BTD: variants seen among roughly 807,000 people sequenced by gnomAD.
BTD encodes the protein biocytinase.
Under a neutral mutation model 17.7 loss-of-function variants are expected in BTD, and 13 were observed. The observed-to-expected ratio is 0.74, with a 90% confidence interval of 0.48 to 1.17. The LOEUF (loss-of-function observed/expected upper bound fraction) is 1.17, where lower values mean the gene tolerates loss of function less well. Among genes scored for constraint, BTD ranks in the 50% most tolerant of loss-of-function variants. The pLI is 0.00. For synonymous variants in BTD, 240 were observed against 245.2 expected (o/e 0.98, Z 0.20); for missense variants, 674 against 650.4 (o/e 1.04, Z -0.39).
intron 1 of BTD, among the ~76,000 whole-genome samples, chr3:15,617,724 A>G (rs796677623): frequency 7.9e-5 from 12 of 152,336 alleles, no homozygotes; most frequent in African/African-American, 2.6e-4. Context: ...CCTCATTTGT[A>G]AAATAAATAA....
chr3:15,618,542 A>C (rs889976763), intron 1 of BTD, among the ~76,000 whole-genome samples: 47 of 151,746 alleles, frequency 3.1e-4, no homozygotes, highest in African/African-American at 1.1e-3. Flanking sequence ...TTTCTTTTTT[A>C]TTTTTTTGAG....
rs986918472 is a variant in BTD, at chr3:15,649,788, C to T, written c.*4300C>T. On this transcript the variant is annotated 3_prime_UTR_variant, in exon 4 of 4. Coordinates refer to ENST00000643237, the MANE Select transcript of BTD (RefSeq NM_001370658.1). Reference sequence around the variant, plus strand: ...GAACTGGTGTTTCCCATTCCCAGTTCACAGAGCCCTTTCTCATTGAACTAT... The same window carrying T: ...GAACTGGTGTTTCCCATTCCCAGTTTACAGAGCCCTTTCTCATTGAACTAT... Among the ~76,000 whole-genome samples the T allele has an allele frequency of 2.0e-5, 3 of 152,184 alleles. No individual in the cohort carries two copies. Among genetic ancestry groups the T allele is most frequent in the Non-Finnish European group, 4.4e-5 (3 of 68,040 alleles).
chr3:15,708,166 T>C, intron 3 of BTD: 7 of 1,327,328 alleles, frequency 5.3e-6, no homozygotes, highest in Non-Finnish European at 7.2e-6. Flanking sequence ...AATACTTTAT[T>C]TACAGTGAGA....
At chr3:15,693,036 G>T (rs1282955360) in intron 3 of BTD, among the ~76,000 whole-genome samples, 1 of 152,124 alleles carries the variant, frequency 6.6e-6, no homozygotes, top group Admixed American at 6.5e-5. Context: ...ACTTAAATGA[G>T]GTGTCTAGAT....
chr3:15,660,803 C>T (rs955954879), intron 3 of BTD, among the ~76,000 whole-genome samples: 12 of 152,146 alleles, frequency 7.9e-5, no homozygotes, highest in Non-Finnish European at 1.2e-4. Flanking sequence ...CCCTGGCAAC[C>T]GCTGATCTTT....
At chr3:15,717,331 C>T (rs1255814032), downstream of BTD, among the ~76,000 whole-genome samples, 3 of 152,056 alleles carry the variant, frequency 2.0e-5, no homozygotes, top group East Asian at 1.9e-4. Flanking sequence ...TTTTTACTTT[C>T]TACATACTGA....
At chr3:15,678,126 T>A in intron 3 of BTD, 1 of 1,335,160 alleles carries the variant, frequency 7.5e-7, no homozygotes, top group Non-Finnish European at 1.0e-6. Flanking sequence ...GATAACTAGT[T>A]GAAGTCAGAA....
At chr3:15,699,002 T>A (rs2070121765) in intron 3 of BTD, among the ~76,000 whole-genome samples, 1 of 152,162 alleles carries the variant, frequency 6.6e-6, no homozygotes, top group Admixed American at 6.5e-5. Context: ...ACTACAAGGC[T>A]ACAGTAACCA....
At chr3:15,692,046 G>C (rs549049758) in intron 3 of BTD, among the ~76,000 whole-genome samples, 2 of 151,724 alleles carry the variant, frequency 1.3e-5, no homozygotes. Context: ...AGGCTGAGGC[G>C]GAAGTATCAC....
chr3:15,676,220 A>G lies in BTD; in HGVS notation c.400-33840A>G, dbSNP rs145456724. ...GGCATCAAGCTCAGCCATAGGTCCC[A>G]TCGACAGGTCCCTACCTTCACCCAA... On this transcript the variant is annotated intron_variant, in intron 3 of 3. Coordinates refer to the BTD transcript ENST00000672141. 728 of 392,820 alleles carry G rather than the reference A, an allele frequency of 1.9e-3. 6 individuals are homozygous for G. Among genetic ancestry groups the G allele is most frequent in the Non-Finnish European group, 6.4e-4 (142 of 221,140 alleles). The allele number at this position is 392,820 out of a possible 1,614,324, so 24.3% of individuals were successfully genotyped here. A position where few individuals can be genotyped will look rare whatever the true frequency, so the allele number is the denominator to read the frequency against.
At chr3:15,609,476 T>G (rs958272067) in intron 1 of BTD, among the ~76,000 whole-genome samples, 8 of 152,208 alleles carry the variant, frequency 5.3e-5, no homozygotes, top group African/African-American at 1.9e-4. Flanking sequence ...GTGTGAGAGT[T>G]TCTACATATA....
chr3:15,624,253 G>A (rs995629130), intron 1 of BTD, among the ~76,000 whole-genome samples: 4 of 152,054 alleles, frequency 2.6e-5, no homozygotes, highest in Non-Finnish European at 4.4e-5. Flanking sequence ...TGAGCTTCCT[G>A]GGTCTGTGGT....
rs965152342 is a variant in BTD at position 15,706,094 on chromosome 3, C to CT, written c.400-3958dup. On this transcript the variant is annotated intron_variant, in intron 3 of 3. Transcript: ENST00000672141. ...TTTTGTGTGTGTGTGATTCTGAAAT[C>CT]TTTTTTTTATTGTTATACTTTGTTC... Among the ~76,000 whole-genome samples, 20 of 151,634 alleles carry CT rather than the reference C, an allele frequency of 1.3e-4. No homozygotes were observed. The South Asian group carries it at 2.5e-3, about 19-fold the overall frequency.
chr3:15,678,137 G>C (rs187526139), intron 3 of BTD: 8 of 1,414,964 alleles, frequency 5.7e-6, no homozygotes, highest in Non-Finnish European at 5.6e-6. Flanking sequence ...GAAGTCAGAA[G>C]TCTTGGGATC....
At chr3:15,712,073 T>C in exon 4 of BTD, 1 of 1,212,076 alleles carries the variant, frequency 8.3e-7, no homozygotes, top group Non-Finnish European at 1.2e-6. Context: ...AAAAGCAGGA[T>C]AGAGACCATC....
chr3:15,636,036 G>A (rs1227389339), intron 2 of BTD, among the ~76,000 whole-genome samples: 2 of 152,200 alleles, frequency 1.3e-5, no homozygotes, highest in African/African-American at 2.4e-5. Flanking sequence ...TTGTACATAA[G>A]AATCACGAGG....
intron 1 of BTD, among the ~76,000 whole-genome samples, chr3:15,608,679 C>A (rs1300776522): frequency 6.6e-6 from 1 of 151,804 alleles, no homozygotes; most frequent in Non-Finnish European, 1.5e-5. Flanking sequence ...GGCAGGAGAA[C>A]CACTTGAACC....
chr3:15,630,875 C>T (rs573406605), intron 1 of BTD, among the ~76,000 whole-genome samples: 9 of 152,076 alleles, frequency 5.9e-5, no homozygotes, highest in African/African-American at 1.7e-4. Context: ...AAGCTGCCCA[C>T]GCGAGAACCA....
At chr3:15,637,358 A>G (rs1332953748) in intron 2 of BTD, among the ~76,000 whole-genome samples, 1 of 152,074 alleles carries the variant, frequency 6.6e-6, no homozygotes, top group Non-Finnish European at 1.5e-5. Flanking sequence ...ATGTCTCATT[A>G]TGGGTGTATA....
Sources: gnomAD v4.1 joint callset for allele counts (sites outside exome capture counted in the v4.1 genomes callset) on GRCh38, gnomAD v4.1.1 for gene constraint, MANE v1.5 for transcripts, NCBI Gene and HGNC (gene_info 2026-07-23, HGNC 2026-07-21) for gene names.